Variants in TBX6 observed in about 807,000 individuals in gnomAD.
TBX6 encodes T-box transcription factor TBX6.
A neutral mutation model predicts 42.3 loss-of-function variants in TBX6; 29 were observed. The ratio of observed to expected loss-of-function variants is 0.69; its 90% CI spans 0.51 to 0.93. The LOEUF (loss-of-function observed/expected upper bound fraction) is 0.93. TBX6 is among the 40% of genes least tolerant of loss of function. The pLI is 0.00. For synonymous variants in TBX6, 249 were observed against 245.1 expected (o/e 1.02, Z -0.15); for missense variants, 569 against 603.3 (o/e 0.94, Z 0.59).
chr16:30,086,601 G>T lies in TBX6; in HGVS notation c.1008C>A (p.Ala336=). 1 of 1,582,854 alleles carries T rather than the reference G, an allele frequency of 6.3e-7. No individual in the cohort carries two copies. Among genetic ancestry groups the T allele is most frequent in the Non-Finnish European group, 8.6e-7 (1 of 1,168,102 alleles). The change falls in exon 8 of 9, where the codon GCC becomes GCA. Residue 336 remains alanine, a synonymous_variant. Coordinates refer to ENST00000395224, the MANE Select transcript of TBX6 (RefSeq NM_004608.4). This position sits in a 1 kb window ranked among gnomAD's most constrained non-coding sequence, Gnocchi z 4.6. ...TGGGGCCACCACACAGAGGTGCCGG[G>T]GCAGCGGTGGCTTCCCCGGGGGCTG... The part of the protein sequence containing the change: ...QAPAPGEATA[A]PAPLCGGPSA...
rs951911571 is a variant in TBX6, at chr16:30,086,120, C to T, written c.*105G>A. On this transcript the variant is annotated 3_prime_UTR_variant, in exon 9 of 9. Transcript: ENST00000395224. This position sits in a 1 kb window ranked among gnomAD's most constrained non-coding sequence, Gnocchi z 4.6. ...AGGGGGTGGGTGGGCAGGCCCAAGG[C>T]GGCCATTTGGTGTGGGGGATGGGGC... The T allele has an allele frequency of 1.8e-4, 200 of 1,137,350 alleles. No individual in the cohort carries two copies. Among genetic ancestry groups the T allele is most frequent in the Middle Eastern group, 2.9e-4 (1 of 3,416 alleles). 70.5% of individuals were successfully genotyped at this position (1,137,350 alleles called of 1,614,324 possible). A position where few individuals can be genotyped will look rare whatever the true frequency, so the allele number is the denominator to read the frequency against.
rs989527242 is a variant in TBX6, at chr16:30,090,874, T to C, written c.237A>G (p.Pro79=). 4 of 1,607,198 alleles carry C rather than the reference T, an allele frequency of 2.5e-6. No individual in the cohort carries two copies. The highest frequency in any genetic ancestry group is 3.4e-6 in the Non-Finnish European group (4 of 1,176,114). ...LPPAMGTEPA[P]SAPEALHSLP... ...GGGAATGGAGGGCCTCTGGAGCTGA[T>C]GGGGCCGGCTCAGTGCCCATGGCAG... Residue 79 remains proline, a synonymous_variant, in exon 3 of 9, where the codon CCA becomes CCG. Transcript: ENST00000395224.
rs370331597 is a variant in TBX6 at position 30,087,105 on chromosome 16, C to G, written c.840-254G>C. Among the ~76,000 whole-genome samples the G allele has an allele frequency of 1.2e-4, 19 of 152,294 alleles. No homozygotes were observed. In the East Asian group the frequency reaches 3.7e-3, roughly 29 times the overall value. On this transcript the variant is annotated intron_variant, in intron 6 of 8. Transcript: ENST00000395224. ...GTTTAGTATCAGTGGAAACTCCTTCCCAGTGGCAAGGCCAGGGCACAGTCT... is the reference window on the plus strand; with the variant it reads ...GTTTAGTATCAGTGGAAACTCCTTCGCAGTGGCAAGGCCAGGGCACAGTCT...
In TBX6 at chr16:30,088,825, G is replaced by A. The variant is rs2072678749; in HGVS notation, c.636C>T (p.Ser212=). The change falls in exon 5 of 9, where the codon TCC becomes TCT. Residue 212 remains serine, a synonymous_variant. Transcript: ENST00000395224. The surrounding 1 kb of genome is among the most constrained non-coding windows in gnomAD (Gnocchi z 4.1). ...LDPHGHLILH[S]MHKYQPRIHL... is the part of the protein sequence containing the mutation. Reference sequence around the variant, plus strand: ...GTATGCGGGGTTGGTACTTGTGCATGGAGTGCAGGATCAGCTGGGAGGGAG... The same window carrying A: ...GTATGCGGGGTTGGTACTTGTGCATAGAGTGCAGGATCAGCTGGGAGGGAG... 6.2e-7 allele frequency: 1 copy of A among 1,614,002 alleles called. No homozygotes were observed. Among genetic ancestry groups the A allele is most frequent in the Admixed American group, 1.7e-5 (1 of 60,000 alleles).
rs767626930 is a variant in TBX6 at position 30,086,796 on chromosome 16, C to T, written c.895G>A (p.Glu299Lys). ...CACTCACCTCCGCTCCCATAGGCCT[C>T]TGTGGCTGCTGGCTCTGGGCCCCGC... is the stretch of plus-strand genomic sequence containing the variant. ...KLRGPEPAAT[E>K]AYGSGDTPGG... The change falls in exon 7 of 9, where the codon GAG (glutamate) becomes AAG (lysine). Residue 299 changes from glutamate (E) to lysine (K), a missense_variant. Glu to Lys is a moderately conservative substitution (Grantham distance 56). This residue lies in a region of TBX6 where 245 missense variants were observed against 227.4 expected (regional missense o/e 1.08). Coordinates refer to ENST00000395224, the MANE Select transcript of TBX6 (RefSeq NM_004608.4). This position sits in a 1 kb window ranked among gnomAD's most constrained non-coding sequence, Gnocchi z 4.6. The T allele has an allele frequency of 6.2e-6, 10 of 1,614,010 alleles. No individual in the cohort carries two copies. Among genetic ancestry groups the T allele is most frequent in the East Asian group, 4.5e-5 (2 of 44,878 alleles).
rs1162636975 is a variant in TBX6, at chr16:30,086,026, G to A, written c.*199C>T. Reference sequence around the variant, plus strand: ...GGGAAGGGGAAGCCGGCCCCAGCTGGACTCCCAGCAGCCTTGGTTAGGCTT... The same window carrying A: ...GGGAAGGGGAAGCCGGCCCCAGCTGAACTCCCAGCAGCCTTGGTTAGGCTT... On this transcript the variant is annotated 3_prime_UTR_variant, in exon 9 of 9. Transcript: ENST00000395224. This position sits in a 1 kb window ranked among gnomAD's most constrained non-coding sequence, Gnocchi z 4.6. The A allele has an allele frequency of 1.8e-6, 1 of 565,808 alleles. No homozygotes were observed. The highest frequency in any genetic ancestry group is 3.4e-5 in the East Asian group (1 of 29,748). The allele number at this position is 565,808 out of a possible 1,614,324, so 35.0% of individuals were successfully genotyped here. A position where few individuals can be genotyped will look rare whatever the true frequency, so the allele number is the denominator to read the frequency against.
In TBX6 at chr16:30,089,151, A is replaced by G. The variant is rs981652501; in HGVS notation, c.413T>C (p.Leu138Ser). 1 of 1,614,064 alleles carries G rather than the reference A, an allele frequency of 6.2e-7. No homozygotes were observed. Among genetic ancestry groups the G allele is most frequent in the Non-Finnish European group, 8.5e-7 (1 of 1,180,016 alleles). ...VTGLDPEARY[L>S]FLLDVIPVDG... ...CACCGGAATCACATCCAGAAGAAAC[A>G]AGTAGCGGGCCTCGGGGTCCAGGCC... Residue 138 changes from leucine (L) to serine (S), a missense_variant, in exon 4 of 9, where the codon TTG (leucine) becomes TCG (serine). Leu to Ser is a moderately radical substitution (Grantham distance 145). Transcript: ENST00000395224.
In TBX6 at chr16:30,088,550, A is replaced by G; in HGVS notation, c.834T>C (p.Cys278=). 6.2e-7 allele frequency: 1 copy of G among 1,614,206 alleles called. No homozygotes were observed. The highest frequency in any genetic ancestry group is 8.5e-7 in the Non-Finnish European group (1 of 1,180,030). Reference sequence around the variant, plus strand: ...AATGAATGAACAACTCCCACCTCTTACAGTTTCTGCCGTTCTCCCGGAAGC... The same window carrying G: ...AATGAATGAACAACTCCCACCTCTTGCAGTTTCTGCCGTTCTCCCGGAAGC... The part of the protein sequence containing the change: ...AKGFRENGRN[C]KRERDARVKR... The change falls in exon 6 of 9, where the codon TGT becomes TGC. Residue 278 remains cysteine (C), a synonymous_variant. Coordinates refer to ENST00000395224, the MANE Select transcript of TBX6 (RefSeq NM_004608.4). This position sits in a 1 kb window ranked among gnomAD's most constrained non-coding sequence, Gnocchi z 4.1.
At chr16:30,091,403 C>G in intron 1 of TBX6, 162 bp from the exon 2 acceptor site, 1 of 507,176 alleles carries the variant, frequency 2.0e-6, no homozygotes, top group Non-Finnish European at 3.5e-6. Flanking sequence ...TCCCCTCCTC[C>G]CCTCCCTCCC....
intron 6 of TBX6, 173 bp from the exon 7 acceptor site, chr16:30,087,024 A>C: frequency 4.1e-6 from 3 of 726,848 alleles, no homozygotes; most frequent in East Asian, 2.7e-5. Context: ...AATAACTAGA[A>C]AGTGGCAGAG....
chr16:30,089,103 T>C lies in TBX6; in HGVS notation c.461A>G (p.Gln154Arg). Residue 154 changes from glutamine to arginine, a missense_variant, in exon 4 of 9, where the codon CAG becomes CGG. Around this residue, in one of 3 missense-constraint regions of TBX6, gnomAD observed 190 missense variants for 250.6 expected, o/e 0.76. Transcript: ENST00000395224. ...GCCGCTGGGCTCCCAGCGCCGGCCC[T>C]GCCAGCGGTAGCGAGCCCCATCCAC... The part of the protein sequence containing the change: ...IPVDGARYRW[Q>R]GRRWEPSGKA... 6.2e-7 allele frequency: 1 copy of C among 1,613,948 alleles called. No homozygotes were observed. The highest frequency in any genetic ancestry group is 8.5e-7 in the Non-Finnish European group (1 of 1,180,002).
Position 30,088,332 on chromosome 16 carries a change from G to A in TBX6, c.839+213C>T. 1 of 643,620 alleles carries A rather than the reference G, an allele frequency of 1.6e-6. No homozygotes were observed. Among genetic ancestry groups the A allele is most frequent in the Middle Eastern group, 3.0e-4 (1 of 3,362 alleles). 39.9% of individuals were successfully genotyped at this position (643,620 alleles called of 1,614,324 possible). ...TCCCCACTAGAAATCAGCTGCATGA[G>A]GGCCGGGGCTTTGGTTTGCTTTGTT... On this transcript the variant is annotated intron_variant, in intron 6 of 8. Coordinates refer to ENST00000395224, the MANE Select transcript of TBX6 (RefSeq NM_004608.4). This position sits in a 1 kb window ranked among gnomAD's most constrained non-coding sequence, Gnocchi z 4.1.
In TBX6 at chr16:30,088,029, C is replaced by G. The variant is rs1233558505; in HGVS notation, c.839+516G>C. On this transcript the variant is annotated intron_variant, in intron 6 of 8. Transcript: ENST00000395224. This position sits in a 1 kb window ranked among gnomAD's most constrained non-coding sequence, Gnocchi z 4.1. ...TCTCGACTCACTGCAACCTCCACCTCCTGGGTTCAAGAGATTCTCCTGCCT... is the reference window on the plus strand; with the variant it reads ...TCTCGACTCACTGCAACCTCCACCTGCTGGGTTCAAGAGATTCTCCTGCCT... 6.1e-6 allele frequency: 1 copy of G among 165,096 alleles called. No individual in the cohort carries two copies. Among genetic ancestry groups the G allele is most frequent in the South Asian group, 1.2e-4 (1 of 8,108 alleles). 10.2% of individuals were successfully genotyped at this position (165,096 alleles called of 1,614,324 possible).
chr16:30,087,472 T>C (rs1057090347), intron 6 of TBX6, among the ~76,000 whole-genome samples: 1 of 151,886 alleles, frequency 6.6e-6, no homozygotes, highest in African/African-American at 2.4e-5. Flanking sequence ...CCTCATAACA[T>C]CCGTCACAGT....
In TBX6 at chr16:30,086,917, C is replaced by G. The variant is rs1016646220; in HGVS notation, c.840-66G>C. ...GCCATGGTGATGGTAACAGTACTTA[C>G]CCGGTGCCAGGCATTTCACCCTCCC... On this transcript the variant is annotated intron_variant, in intron 6 of 8. Coordinates refer to ENST00000395224, the MANE Select transcript of TBX6 (RefSeq NM_004608.4). This position sits in a 1 kb window ranked among gnomAD's most constrained non-coding sequence, Gnocchi z 4.6. The G allele has an allele frequency of 1.3e-6, 2 of 1,556,984 alleles. No individual in the cohort carries two copies. Among genetic ancestry groups the G allele is most frequent in the Non-Finnish European group, 1.7e-6 (2 of 1,151,010 alleles).
At chr16:30,090,652 A>C in intron 3 of TBX6, 106 bp downstream of exon 3, 1 of 1,142,340 alleles carries the variant, frequency 8.8e-7, no homozygotes, top group Non-Finnish European at 1.2e-6. Flanking sequence ...AGGCCTAGGC[A>C]GAGCTCTAGC....
rs56098093 is a variant in TBX6, at chr16:30,089,080, C to T, written c.484G>A (p.Gly162Ser). The T allele has an allele frequency of 5.7e-3, 9,153 of 1,613,822 alleles. 25 individuals carry two copies. Among genetic ancestry groups the T allele is most frequent in the Non-Finnish European group, 6.7e-3 (7,915 of 1,179,984 alleles). The change falls in exon 4 of 9, where the codon GGC (glycine) becomes AGC (serine). Residue 162 changes from glycine to serine, a missense_variant. This residue lies in a region of TBX6 where 190 missense variants were observed against 250.6 expected (regional missense o/e 0.76). Coordinates refer to ENST00000395224, the MANE Select transcript of TBX6 (RefSeq NM_004608.4). ...RWQGRRWEPS[G>S]KAEPRLPDRV... ...TCAGGCAGGCGGGGCTCTGCCTTGC[C>T]GCTGGGCTCCCAGCGCCGGCCCTGC...
Position 30,091,157 on chromosome 16 carries a change from C to T in TBX6, c.37G>A (p.Ala13Thr), listed in dbSNP as rs776865383. Residue 13 changes from alanine to threonine, a missense_variant, in exon 2 of 9, where the codon GCC (alanine) becomes ACC (threonine). This residue lies in a region of TBX6 where 134 missense variants were observed against 125.3 expected (regional missense o/e 1.07). Coordinates refer to ENST00000395224, the MANE Select transcript of TBX6 (RefSeq NM_004608.4). ...HPRELYPSLGAGYRLGPAQPG... is the reference protein window; with the variant it reads ...HPRELYPSLGTGYRLGPAQPG... ...TGGGCGGGCCCCAGGCGGTAGCCGG[C>T]CCCCAGGGACGGGTACAATTCTCGT... 21 of 1,592,896 alleles carry T rather than the reference C, an allele frequency of 1.3e-5. No homozygotes were observed. The Admixed American group carries it at 3.6e-4, about 27-fold the overall frequency.
In TBX6 at chr16:30,086,681, G is replaced by A. The variant is rs947772406; in HGVS notation, c.928C>T (p.Pro310Ser). The change falls in exon 8 of 9, where the codon CCC becomes TCC. Residue 310 changes from proline (P) to serine (S), a missense_variant. Physicochemically the swap from Pro to Ser is moderately conservative, Grantham distance 74. Coordinates refer to ENST00000395224, the MANE Select transcript of TBX6 (RefSeq NM_004608.4). This position sits in a 1 kb window ranked among gnomAD's most constrained non-coding sequence, Gnocchi z 4.6. ...TCTCCACCCAGGGTGGAGTCGCAGG[G>A]ACCACCTGGTGTGTCTGGGGAGAGG... is the stretch of plus-strand genomic sequence containing the variant. ...AYGSGDTPGGPCDSTLGGDIR... is the reference protein window; with the variant it reads ...AYGSGDTPGGSCDSTLGGDIR... 8.1e-6 allele frequency: 13 copies of A among 1,611,938 alleles called. No individual in the cohort carries two copies. The highest frequency in any genetic ancestry group is 1.7e-5 in the Admixed American group (1 of 59,426).
Sources: gnomAD v4.1 joint callset for allele counts (sites outside exome capture counted in the v4.1 genomes callset) on GRCh38, gnomAD v4.1.1 for gene constraint, gnomAD v4.1.1 regional missense constraint, Gnocchi (gnomAD v3.1) non-coding constraint, MANE v1.5 for transcripts, NCBI Gene and HGNC (gene_info 2026-07-23, HGNC 2026-07-21) for gene names.